The following HSPB6 variants were observed in gnomAD, a reference collection of about 807,000 sequenced individuals.
HSPB6 encodes heat shock protein beta-6.
Under a neutral mutation model 10.7 loss-of-function variants are expected in HSPB6, and 8 were observed. The ratio of observed to expected loss-of-function variants is 0.75; its 90% CI spans 0.44 to 1.35. The LOEUF (loss-of-function observed/expected upper bound fraction) is 1.35, where lower values mean the gene tolerates loss of function less well. HSPB6 is among the 40% of genes most tolerant of loss of function. The pLI is 0.00. For missense variants in HSPB6, 232 were observed against 236.0 expected, an observed-to-expected ratio of 0.98 and a Z score of 0.11; for synonymous variants, 128 against 114.2, an observed-to-expected ratio of 1.12 and a Z score of -0.77.
intron 1 of HSPB6, 69 bp downstream of exon 1, chr19:35,756,742 C>T: frequency 6.8e-7 from 1 of 1,471,044 alleles, no homozygotes; most frequent in South Asian, 1.2e-5. Context: ...CTCACATGTT[C>T]CCACCCCAGG....
chr19:35,756,737 A>G lies in HSPB6; in HGVS notation c.198+74T>C. ...CCAAGGCCAACGAACATTCTCTCAC[A>G]TGTTCCCACCCCAGGCTGCCCCAGA... On this transcript the variant is annotated intron_variant, in intron 1 of 2. Coordinates refer to ENST00000004982, the MANE Select transcript of HSPB6 (RefSeq NM_144617.3). 2.1e-6 allele frequency: 3 copies of G among 1,450,322 alleles called. No individual in the cohort carries two copies. In the South Asian group the frequency reaches 3.7e-5, roughly 18 times the overall value. The allele number at this position is 1,450,322 out of a possible 1,614,324, so 89.8% of individuals were successfully genotyped here. A position where few individuals can be genotyped will look rare whatever the true frequency, so the allele number is the denominator to read the frequency against.
chr19:35,755,542 G>T lies in HSPB6; in HGVS notation c.463C>A (p.Pro155Thr). 1 of 1,519,182 alleles carries T rather than the reference G, an allele frequency of 6.6e-7. No homozygotes were observed. 94.1% of individuals were successfully genotyped at this position (1,519,182 alleles called of 1,614,324 possible). ...QAAPASAQAP[P>T]PAAAK is the part of the protein sequence containing the mutation. ...CCCTCCTACTTGGCTGCGGCTGGCGGTGGGGCCTGGGCCGACGCTGGTGCG... is the reference window on the plus strand; with the variant it reads ...CCCTCCTACTTGGCTGCGGCTGGCGTTGGGGCCTGGGCCGACGCTGGTGCG... The change falls in exon 3 of 3, where the codon CCG (proline) becomes ACG (threonine). Residue 155 changes from proline (P) to threonine (T), a missense_variant. By Grantham distance (38) the Pro-to-Thr change is conservative. Coordinates refer to ENST00000004982, the MANE Select transcript of HSPB6 (RefSeq NM_144617.3).
At chr19:35,756,039 AC>A in intron 1 of HSPB6, 145 bp from the exon 2 acceptor site, 1 of 1,155,900 alleles carries the variant, frequency 8.7e-7, no homozygotes, top group Non-Finnish European at 1.2e-6. Flanking sequence ...ACTGGGAGTC[AC>A]CCAGGACCTC....
rs747215370 is a variant in HSPB6 at position 35,754,658 on chromosome 19, G to T, written c.*864C>A. The T allele has an allele frequency of 3.2e-5, 21 of 648,894 alleles. No homozygotes were observed. The highest frequency in any genetic ancestry group is 5.7e-5 in the Non-Finnish European group (21 of 365,986). The allele number at this position is 648,894 out of a possible 1,614,324, so 40.2% of individuals were successfully genotyped here. On this transcript the variant is annotated 3_prime_UTR_variant, in exon 3 of 3. Transcript: ENST00000004982. ...AGAAAGGCTGTGGGGAATCAGAGCG[G>T]GTGCTCAGTTGGGTCTTGAAGGAGA...
At position 35,756,988 on chromosome 19, in the gene HSPB6, C is replaced by CA; in HGVS notation, c.20dup (p.Gln8AlafsTer23). The CA allele has an allele frequency of 1.3e-6, 2 of 1,545,938 alleles. No individual in the cohort carries two copies. The highest frequency in any genetic ancestry group is 1.7e-6 in the Non-Finnish European group (2 of 1,146,726). ...AGGCGCGGCGCAGCCAAGACGGCTG[C>CA]ACAGGCACAGGGATCTCCATCCTGC... is the stretch of plus-strand genomic sequence containing the variant. On this transcript the variant is annotated frameshift_variant, in exon 1 of 3. Transcript: ENST00000004982. LOFTEE classifies it high-confidence loss of function.
chr19:35,755,354 TC>T lies in HSPB6; in HGVS notation c.*167del. The T allele has an allele frequency of 1.3e-6, 1 of 749,410 alleles. No individual in the cohort carries two copies. Among genetic ancestry groups the T allele is most frequent in the African/African-American group, 1.8e-5 (1 of 57,032 alleles). 46.4% of individuals were successfully genotyped at this position (749,410 alleles called of 1,614,324 possible). The stretch of plus-strand genomic sequence containing the variant: ...GAGAGCGAGGGTGTCAGTGGAAGGG[TC>T]TATGTTATCAAGGCAGTGTCCAGGA... On this transcript the variant is annotated 3_prime_UTR_variant, in exon 3 of 3. Coordinates refer to ENST00000004982, the MANE Select transcript of HSPB6 (RefSeq NM_144617.3).
Position 35,755,818 on chromosome 19 carries a change from A to G in HSPB6, c.275T>C (p.Val92Ala), listed in dbSNP as rs150361127. The G allele has an allele frequency of 2.1e-4, 342 of 1,596,582 alleles. 1 individual carries two copies. The African/African-American group carries it at 4.0e-3, about 19-fold the overall frequency. Reference protein sequence around the residue: ...HFSPEEIAVKVVGEHVEVHAR... With the variant: ...HFSPEEIAVKAVGEHVEVHAR... ...GTGCACCTCCACGTGTTCGCCCACC[A>G]CCTTGACAGCAATTTCCTCCGGCGA... The change falls in exon 2 of 3, where the codon GTG becomes GCG. Residue 92 changes from valine to alanine, a missense_variant. Coordinates refer to ENST00000004982, the MANE Select transcript of HSPB6 (RefSeq NM_144617.3).
Position 35,756,929 on chromosome 19 carries a change from CGTCCGGGCGCCGAAA to C in HSPB6, c.65_79del (p.Leu22_Gly26del), listed in dbSNP as rs777357750. 12 of 1,542,344 alleles carry C rather than the reference CGTCCGGGCGCCGAAA, an allele frequency of 7.8e-6. No individual in the cohort carries two copies. The South Asian group carries it at 1.3e-4, about 17-fold the overall frequency. On this transcript the variant is annotated inframe_deletion, in exon 1 of 3. Coordinates refer to ENST00000004982, the MANE Select transcript of HSPB6 (RefSeq NM_144617.3). ...CTCGCCGAAGCGCTGGTCAAAGAGG[CGTCCGGGCGCCGAAA>C]GTCCGGGCAACGGGGCCGAGGCGCG...
At position 35,755,755 on chromosome 19, in the gene HSPB6, C is replaced by G. The variant is rs1599739179; in HGVS notation, c.321+17G>C. On this transcript the variant is annotated intron_variant, in intron 2 of 2. Transcript: ENST00000004982. ...GCGAGCGTACCCGCTCCAGCCCCGC[C>G]CCACGCCGCGGCTCACCGGGCGCTC... 2 of 1,563,460 alleles carry G rather than the reference C, an allele frequency of 1.3e-6. No homozygotes were observed. The highest frequency in any genetic ancestry group is 2.7e-5 in the African/African-American group (2 of 72,904).
At chr19:35,756,727 A>T (rs1970765193) in intron 1 of HSPB6, 84 bp downstream of exon 1, 1 of 1,396,700 alleles carries the variant, frequency 7.2e-7, no homozygotes, top group Non-Finnish European at 9.8e-7. Flanking sequence ...GCCAACGAAC[A>T]TTCTCTCACA....
chr19:35,756,723 G>T, intron 1 of HSPB6, 88 bp downstream of exon 1: 1 of 1,382,136 alleles, frequency 7.2e-7, no homozygotes, highest in Non-Finnish European at 9.9e-7. Context: ...CAAGGCCAAC[G>T]AACATTCTCT....
chr19:35,755,188 G>C lies in HSPB6; in HGVS notation c.*334C>G, dbSNP rs1399643567. The C allele has an allele frequency of 2.1e-6, 1 of 485,050 alleles. No individual in the cohort carries two copies. The highest frequency in any genetic ancestry group is 3.9e-5 in the Admixed American group (1 of 25,626). 30.0% of individuals were successfully genotyped at this position (485,050 alleles called of 1,614,324 possible). A position where few individuals can be genotyped will look rare whatever the true frequency, so the allele number is the denominator to read the frequency against. ...TTTGTAGAGGACTCAGAAGGAAGTA[G>C]AGGAGGGGTCTTAAGTGGGGCTATA... On this transcript the variant is annotated 3_prime_UTR_variant, in exon 3 of 3. Transcript: ENST00000004982.
Position 35,754,618 on chromosome 19 carries a change from G to A in HSPB6, c.*904C>T, listed in dbSNP as rs551295145. 2.1e-4 allele frequency: 161 copies of A among 766,700 alleles called. No homozygotes were observed. The African/African-American group carries it at 2.4e-3, about 11-fold the overall frequency. The allele number at this position is 766,700 out of a possible 1,614,324, so 47.5% of individuals were successfully genotyped here. A position where few individuals can be genotyped will look rare whatever the true frequency, so the allele number is the denominator to read the frequency against. On this transcript the variant is annotated 3_prime_UTR_variant, in exon 3 of 3. Transcript: ENST00000004982. ...GAGAGTAAGCCTGGGAAAGACTAAGGGAGTGGTGGCAGGGAGAAAGGCTGT... is the reference window on the plus strand; with the variant it reads ...GAGAGTAAGCCTGGGAAAGACTAAGAGAGTGGTGGCAGGGAGAAAGGCTGT...
In HSPB6 at chr19:35,754,704, GGGTTGCCGAGGATATCT is replaced by G; in HGVS notation, c.*801_*817del. On this transcript the variant is annotated 3_prime_UTR_variant, in exon 3 of 3. Transcript: ENST00000004982. ...GGAGAAGAGGAGGAGGGTGGGAGGT[GGGTTGCCGAGGATATCT>G]GGTTGAAGACTTGGGGGTCAAGACA... The G allele has an allele frequency of 1.7e-6, 1 of 588,932 alleles. No homozygotes were observed. The highest frequency in any genetic ancestry group is 2.9e-5 in the East Asian group (1 of 34,960). 36.5% of individuals were successfully genotyped at this position (588,932 alleles called of 1,614,324 possible).
intron 2 of HSPB6, 35 bp downstream of exon 2, chr19:35,755,737 T>A (rs1234705160): frequency 2.6e-6 from 4 of 1,539,978 alleles, no homozygotes; most frequent in Non-Finnish European, 3.5e-6. Context: ...GCGGCGAGCG[T>A]ACCCGCTCCA....
At chr19:35,756,585 G>T (rs950694641) in intron 1 of HSPB6, among the ~76,000 whole-genome samples, 8 of 152,246 alleles carry the variant, frequency 5.3e-5, no homozygotes, top group African/African-American at 1.9e-4. Context: ...ATTCTCTGGA[G>T]AGCTGAGAGC....
Position 35,755,514 on chromosome 19 carries a change from G to T in HSPB6, c.*8C>A. 5 of 1,318,632 alleles carry T rather than the reference G, an allele frequency of 3.8e-6. No homozygotes were observed. The highest frequency in any genetic ancestry group is 5.1e-6 in the Non-Finnish European group (5 of 984,194). 81.7% of individuals were successfully genotyped at this position (1,318,632 alleles called of 1,614,324 possible). A position where few individuals can be genotyped will look rare whatever the true frequency, so the allele number is the denominator to read the frequency against. ...GCTCCCGGGGTGCGGGCGCGGCCCA[G>T]CCCCCTCCTACTTGGCTGCGGCTGG... On this transcript the variant is annotated 3_prime_UTR_variant, in exon 3 of 3. Coordinates refer to ENST00000004982, the MANE Select transcript of HSPB6 (RefSeq NM_144617.3).
chr19:35,756,774 G>T, intron 1 of HSPB6, 37 bp downstream of exon 1: 1 of 1,530,242 alleles, frequency 6.5e-7, no homozygotes. Flanking sequence ...CCCTGGCAAT[G>T]GAAGTGGTCG....
rs1383647400 is a variant in HSPB6 at position 35,755,905 on chromosome 19, C to G, written c.199-11G>C. ...GGGGTCCGTCGGCACCTGAGCGCAG[C>G]GGGCGCGGGCGGGACTGTCATTGGG... On this transcript the variant is annotated splice_polypyrimidine_tract_variant and intron_variant, in intron 1 of 2. Transcript: ENST00000004982. The G allele has an allele frequency of 6.4e-7, 1 of 1,551,966 alleles. No individual in the cohort carries two copies. Among genetic ancestry groups the G allele is most frequent in the Admixed American group, 1.9e-5 (1 of 51,588 alleles).
Sources: allele counts gnomAD v4.1 joint callset (sites outside exome capture counted in the v4.1 genomes callset), GRCh38; gene constraint gnomAD v4.1.1; transcripts MANE v1.5; gene names NCBI Gene and HGNC (gene_info 2026-07-23, HGNC 2026-07-21).